Variants in TCF4 observed in about 807,000 individuals in gnomAD.
TCF4 encodes SL3-3 enhancer factor 2.
A neutral mutation model predicts 82.1 loss-of-function variants in TCF4; 3 were observed. The observed-to-expected ratio is 0.04, with a 90% CI of 0.02 to 0.09. The LOEUF is 0.09. TCF4 is among the 10% of genes least tolerant of loss of function. The pLI is 1.00. For missense variants in TCF4, 518 were observed against 852.7 expected (o/e 0.61, Z 4.89); for synonymous variants, 276 against 309.6 (o/e 0.89, Z 1.14).
chr18:55,516,927 GA>G (rs1454396523), intron 3 of TCF4, among the ~76,000 whole-genome samples: 2 of 152,162 alleles, frequency 1.3e-5, no homozygotes, highest in Non-Finnish European at 2.9e-5. Context: ...AATAACATCT[GA>G]ATTATGTTTT....
intron 3 of TCF4, among the ~76,000 whole-genome samples, chr18:55,503,998 C>T (rs2096727388): frequency 6.6e-6 from 1 of 152,140 alleles, no homozygotes; most frequent in Non-Finnish European, 1.5e-5. Context: ...CGCTTGAACC[C>T]AGGAGGCAGA....
chr18:55,635,955 A>G (rs1361597238), exon 1 of TCF4: 1 of 1,585,496 alleles, frequency 6.3e-7, no homozygotes, highest in East Asian at 2.3e-5. Context: ...TACTGTAGAC[A>G]TCAAGAGAAT....
chr18:55,523,611 T>G (rs1224701436), intron 3 of TCF4, among the ~76,000 whole-genome samples: 1 of 151,994 alleles, frequency 6.6e-6, no homozygotes, highest in Non-Finnish European at 1.5e-5. Context: ...TTTTTGACTT[T>G]CCCTTTTTAT....
At chr18:55,425,221 G>A (rs902007849) in intron 5 of TCF4, among the ~76,000 whole-genome samples, 1 of 152,184 alleles carries the variant, frequency 6.6e-6, no homozygotes, top group Non-Finnish European at 1.5e-5. Flanking sequence ...CCATTTACAG[G>A]CAAAGGCAAT....
At chr18:55,577,973 G>A (rs1448671159) in intron 3 of TCF4, among the ~76,000 whole-genome samples, 1 of 152,106 alleles carries the variant, frequency 6.6e-6, no homozygotes, top group Admixed American at 6.6e-5. Flanking sequence ...AGGTGCTGCT[G>A]TAACCCAGGG....
At chr18:55,312,078 G>A (rs2072653335) in intron 8 of TCF4, among the ~76,000 whole-genome samples, 1 of 152,136 alleles carries the variant, frequency 6.6e-6, no homozygotes, top group Non-Finnish European at 1.5e-5. Flanking sequence ...TGAAGACACT[G>A]TTGTCTATAC....
intron 3 of TCF4, among the ~76,000 whole-genome samples, chr18:55,509,899 G>C (rs947698056): frequency 6.6e-6 from 1 of 152,130 alleles, no homozygotes; most frequent in African/African-American, 2.4e-5. Context: ...ACCCTGAAGC[G>C]TAGCTTTCAA....
At chr18:55,515,684 A>T (rs1378393328) in intron 3 of TCF4, among the ~76,000 whole-genome samples, 1 of 152,198 alleles carries the variant, frequency 6.6e-6, no homozygotes, top group East Asian at 1.9e-4. Context: ...TTTGAGGTGG[A>T]ATCTTCAGAG....
At chr18:55,551,704 T>G (rs2097261896) in intron 3 of TCF4, 1 of 152,216 alleles carries the variant, frequency 6.6e-6, no homozygotes, top group Non-Finnish European at 1.5e-5. Flanking sequence ...ACTTGCCAAG[T>G]TACGGTCCTC....
At chr18:55,373,102 GGCT>G (rs2089770559) in intron 6 of TCF4, among the ~76,000 whole-genome samples, 1 of 151,922 alleles carries the variant, frequency 6.6e-6, no homozygotes, top group Non-Finnish European at 1.5e-5. Flanking sequence ...AAGTTACAGT[GGCT>G]GTCACATTAG....
At chr18:55,256,400 CAT>C (rs1281974027) in intron 14 of TCF4, among the ~76,000 whole-genome samples, 2 of 152,110 alleles carry the variant, frequency 1.3e-5, no homozygotes, top group Non-Finnish European at 2.9e-5. Flanking sequence ...CTGGGTAGTG[CAT>C]ATATGTTTCA....
intron 3 of TCF4, among the ~76,000 whole-genome samples, chr18:55,569,572 A>T (rs865986872): frequency 2.2e-4 from 33 of 152,042 alleles, no homozygotes; most frequent in Middle Eastern, 6.8e-3. Flanking sequence ...TAAAAATTTT[A>T]AAAAAGACTT....
At chr18:55,453,562 T>A (rs1364372611) in intron 5 of TCF4, among the ~76,000 whole-genome samples, 2 of 152,180 alleles carry the variant, frequency 1.3e-5, no homozygotes, top group African/African-American at 4.8e-5. Context: ...TCAAGTAACA[T>A]TTTTCTGTTT....
chr18:55,445,363 A>C (rs1385814986), intron 5 of TCF4, among the ~76,000 whole-genome samples: 2 of 152,078 alleles, frequency 1.3e-5, no homozygotes, highest in African/African-American at 4.8e-5. Flanking sequence ...ATAATTTATA[A>C]AGAAAAGGGG....
At chr18:55,542,587 C>A (rs1160646258) in intron 3 of TCF4, among the ~76,000 whole-genome samples, 1 of 151,844 alleles carries the variant, frequency 6.6e-6, no homozygotes, top group African/African-American at 2.4e-5. Context: ...CAAAAATTAA[C>A]CAACATTTTC....
At chr18:55,281,521 A>G (rs1410827530) in intron 8 of TCF4, among the ~76,000 whole-genome samples, 1 of 152,108 alleles carries the variant, frequency 6.6e-6, no homozygotes, top group Non-Finnish European at 1.5e-5. Flanking sequence ...TCAGAAATCA[A>G]TATATTTATT....
intron 8 of TCF4, among the ~76,000 whole-genome samples, chr18:55,310,175 T>G (rs1429169944): frequency 6.6e-6 from 1 of 152,148 alleles, no homozygotes; most frequent in Non-Finnish European, 1.5e-5. Context: ...CTAGAATGTG[T>G]TGTACCAAGC....
chr18:55,581,032 C>T (rs1477242835), intron 3 of TCF4, among the ~76,000 whole-genome samples: 2 of 151,998 alleles, frequency 1.3e-5, no homozygotes, highest in African/African-American at 2.4e-5. Context: ...TTTTACCCAA[C>T]ATCATGCAAA....
At chr18:55,403,793 G>A (rs761880885) in intron 5 of TCF4, 40 of 1,513,986 alleles carry the variant, frequency 2.6e-5, no homozygotes, top group Non-Finnish European at 3.3e-5. Flanking sequence ...CAAACAAATC[G>A]TAACTCCTTA....
Sources: gnomAD v4.1 joint callset for allele counts (sites outside exome capture counted in the v4.1 genomes callset) on GRCh38, gnomAD v4.1.1 for gene constraint, MANE v1.5 for transcripts, NCBI Gene and HGNC (gene_info 2026-07-23, HGNC 2026-07-21) for gene names.